Variants in PDE4D observed in about 807,000 individuals in gnomAD.
PDE4D encodes the protein 3',5'-cyclic-AMP phosphodiesterase 4D.
In PDE4D, 24 loss-of-function variants were observed where a neutral mutation model predicts 87.4. That is an observed-to-expected ratio of 0.27 (90% confidence interval 0.20 to 0.39). The LOEUF is 0.39. Among genes scored for constraint, PDE4D ranks in the 10% least tolerant of loss-of-function variants. The pLI is 1.00. For missense variants in PDE4D, 714 were observed against 1,041.0 expected, an observed-to-expected ratio of 0.69 and a Z score of 4.32; for synonymous variants, 384 against 383.2, an observed-to-expected ratio of 1.00 and a Z score of -0.02.
intron 5 of PDE4D, among the ~76,000 whole-genome samples, chr5:59,112,532 T>C (rs192822877): frequency 6.6e-6 from 1 of 152,086 alleles, no homozygotes; most frequent in Non-Finnish European, 1.5e-5. Flanking sequence ...ATGGTAACCA[T>C]GGAGATGGTG....
intron 2 of PDE4D, chr5:60,022,662 G>A (rs1478109314): frequency 6.6e-6 from 1 of 152,220 alleles, no homozygotes; most frequent in Non-Finnish European, 1.5e-5. Context: ...AGATACAGCT[G>A]CGAAGCCTCT....
At chr5:59,356,019 G>A (rs1178019329) in intron 1 of PDE4D, among the ~76,000 whole-genome samples, 1 of 152,110 alleles carries the variant, frequency 6.6e-6, no homozygotes, top group African/African-American at 2.4e-5. Flanking sequence ...ATACCTTTCA[G>A]TGCTATAGAT....
chr5:59,270,906 G>T (rs1238454522), intron 1 of PDE4D, among the ~76,000 whole-genome samples: 1 of 152,008 alleles, frequency 6.6e-6, no homozygotes, highest in Non-Finnish European at 1.5e-5. Context: ...TTTCTCACCT[G>T]TAAAATTAGG....
At chr5:59,904,996 T>C (rs1342408684) in intron 3 of PDE4D, among the ~76,000 whole-genome samples, 6 of 152,040 alleles carry the variant, frequency 3.9e-5, no homozygotes, top group Admixed American at 2.6e-4. Context: ...TTTGCTTGCT[T>C]GCTCTGTCTT....
At chr5:60,517,173 C>A (rs552055549) in intron 1 of PDE4D, among the ~76,000 whole-genome samples, 1 of 152,220 alleles carries the variant, frequency 6.6e-6, no homozygotes, top group Non-Finnish European at 1.5e-5. Context: ...CACTGACACA[C>A]CAGCCCCCTG....
chr5:59,971,002 A>G, intron 3 of PDE4D, among the ~76,000 whole-genome samples: 1 of 151,946 alleles, frequency 6.6e-6, no homozygotes, highest in South Asian at 2.1e-4. Flanking sequence ...TGTGGCACAT[A>G]TACACCATGG....
intron 1 of PDE4D, among the ~76,000 whole-genome samples, chr5:60,259,009 C>T (rs1019776553): frequency 2.0e-5 from 3 of 151,820 alleles, no homozygotes; most frequent in Non-Finnish European, 4.4e-5. Context: ...GGGTTTTTTC[C>T]CCTACTTTCA....
At chr5:59,967,357 C>T (rs1053440828) in intron 3 of PDE4D, among the ~76,000 whole-genome samples, 2 of 151,914 alleles carry the variant, frequency 1.3e-5, no homozygotes, top group African/African-American at 4.8e-5. Flanking sequence ...TATTTGCAAA[C>T]TATGCATATG....
At chr5:59,829,230 A>G (rs1182380942) in intron 1 of PDE4D, among the ~76,000 whole-genome samples, 1 of 152,030 alleles carries the variant, frequency 6.6e-6, no homozygotes, top group Non-Finnish European at 1.5e-5. Flanking sequence ...TTTTTTTGTG[A>G]AAAATAGCAC....
chr5:59,528,628 G>A (rs1423792843), intron 1 of PDE4D, among the ~76,000 whole-genome samples: 1 of 152,060 alleles, frequency 6.6e-6, no homozygotes, highest in Non-Finnish European at 1.5e-5. Flanking sequence ...TGAGCTAATT[G>A]GATTACTTTA....
chr5:58,996,061 TCTCA>T (rs1749143597), intron 6 of PDE4D, among the ~76,000 whole-genome samples: 1 of 152,086 alleles, frequency 6.6e-6, no homozygotes, highest in Non-Finnish European at 1.5e-5. Flanking sequence ...CACCACATGT[TCTCA>T]CTCATAAGTG....
intron 2 of PDE4D, among the ~76,000 whole-genome samples, chr5:60,127,053 G>A (rs1053201389): frequency 1.3e-5 from 2 of 152,160 alleles, no homozygotes; most frequent in Non-Finnish European, 2.9e-5. Flanking sequence ...AATTTACAAA[G>A]ATGGGAAGGA....
intron 5 of PDE4D, among the ~76,000 whole-genome samples, chr5:59,117,875 C>A (rs1441385489): frequency 2.0e-5 from 3 of 150,928 alleles, no homozygotes; most frequent in African/African-American, 7.3e-5. Flanking sequence ...GGCTTGCTAG[C>A]ATACCACACA....
intron 1 of PDE4D, among the ~76,000 whole-genome samples, chr5:59,378,430 T>C (rs1056099326): frequency 3.3e-5 from 5 of 151,600 alleles, no homozygotes; most frequent in African/African-American, 1.2e-4. Flanking sequence ...AACTTAAAAG[T>C]TAAAAAAAAG....
At chr5:60,381,940 G>A (rs1242139934) in intron 1 of PDE4D, among the ~76,000 whole-genome samples, 1 of 151,702 alleles carries the variant, frequency 6.6e-6, no homozygotes, top group Non-Finnish European at 1.5e-5. Flanking sequence ...ACAATGAGAA[G>A]GAAAACAAAT....
chr5:60,394,010 CT>C (rs943268797), intron 1 of PDE4D, among the ~76,000 whole-genome samples: 12 of 152,162 alleles, frequency 7.9e-5, no homozygotes, highest in Non-Finnish European at 1.6e-4. Context: ...AATATAACCT[CT>C]TATTTTTTGC....
intron 1 of PDE4D, among the ~76,000 whole-genome samples, chr5:60,286,424 TAGAC>T (rs1752422094): frequency 6.6e-6 from 1 of 152,210 alleles, no homozygotes; most frequent in Non-Finnish European, 1.5e-5. Context: ...ACTCTAAAGA[TAGAC>T]AGACATTTGT....
At chr5:60,348,958 T>C (rs12522161) in intron 1 of PDE4D, among the ~76,000 whole-genome samples, 36,277 of 152,074 alleles carry the variant, frequency 0.24, 5,464 homozygotes, top group Non-Finnish European at 0.33. Flanking sequence ...TCAATTATCA[T>C]GTAGATACAA....
intron 1 of PDE4D, among the ~76,000 whole-genome samples, chr5:59,539,895 T>C (rs543035306): frequency 1.3e-5 from 2 of 152,220 alleles, no homozygotes; most frequent in East Asian, 3.9e-4. Flanking sequence ...CTAAATATTG[T>C]CAAAGTCATT....
Sources: gnomAD v4.1 joint callset for allele counts (sites outside exome capture counted in the v4.1 genomes callset) on GRCh38, gnomAD v4.1.1 for gene constraint, MANE v1.5 for transcripts, NCBI Gene and HGNC (gene_info 2026-07-23, HGNC 2026-07-21) for gene names.